ATG10: variants seen among roughly 807,000 people sequenced by gnomAD.
ATG10 encodes autophagy related 10.
In ATG10, 30 loss-of-function variants were observed where a neutral mutation model predicts 32.1. The ratio of observed to expected loss-of-function variants is 0.94; its 90% CI spans 0.70 to 1.27. The LOEUF (loss-of-function observed/expected upper bound fraction) is 1.27. Ranked by LOEUF, ATG10 falls within the 50% of genes most tolerant of loss-of-function variation. The probability of loss-of-function intolerance (pLI) is 0.00; values close to 1 mark genes in which losing one functional copy is unlikely to be tolerated. For missense variants in ATG10, 233 were observed against 262.3 expected, an observed-to-expected ratio of 0.89 and a Z score of 0.77; for synonymous variants, 87 against 91.5, an observed-to-expected ratio of 0.95 and a Z score of 0.28.
At chr5:82,172,514 T>C (rs188117990) in intron 4 of ATG10, among the ~76,000 whole-genome samples, 15 of 152,302 alleles carry the variant, frequency 9.8e-5, no homozygotes, top group African/African-American at 3.6e-4. Context: ...AGCCAAATTA[T>C]ATATCTAGAT....
intron 3 of ATG10, among the ~76,000 whole-genome samples, chr5:82,103,776 G>T (rs1765357262): frequency 6.6e-6 from 1 of 152,102 alleles, no homozygotes; most frequent in Non-Finnish European, 1.5e-5. Context: ...CTTGGTGGGT[G>T]TTCACAAAGT....
At chr5:82,140,110 T>C in intron 3 of ATG10, among the ~76,000 whole-genome samples, 1 of 109,694 alleles carries the variant, frequency 9.1e-6, no homozygotes, top group Admixed American at 8.8e-5. Context: ...GTCTGGGAGG[T>C]GAGGGGCGCC....
At chr5:82,151,794 A>G (rs1767606721) in intron 3 of ATG10, among the ~76,000 whole-genome samples, 1 of 152,184 alleles carries the variant, frequency 6.6e-6, no homozygotes, top group South Asian at 2.1e-4. Flanking sequence ...GACAGTATGA[A>G]GCAATCATTG....
chr5:82,003,193 A>T (rs1761896747), intron 2 of ATG10, among the ~76,000 whole-genome samples: 1 of 152,228 alleles, frequency 6.6e-6, no homozygotes, highest in South Asian at 2.1e-4. Context: ...ACAATGTAAG[A>T]TAAAAGTGAT....
At chr5:82,096,001 C>A (rs1474260320) in intron 3 of ATG10, among the ~76,000 whole-genome samples, 1 of 152,184 alleles carries the variant, frequency 6.6e-6, no homozygotes, top group East Asian at 1.9e-4. Context: ...GGCAGTCTAT[C>A]AGCTTCTTTC....
At chr5:82,041,986 T>C (rs1308907360) in intron 2 of ATG10, among the ~76,000 whole-genome samples, 1 of 152,212 alleles carries the variant, frequency 6.6e-6, no homozygotes, top group Non-Finnish European at 1.5e-5. Context: ...TTCTGCTCAT[T>C]ATTCTCATGC....
intron 3 of ATG10, among the ~76,000 whole-genome samples, chr5:82,156,840 T>C (rs572352469): frequency 1.3e-5 from 2 of 152,338 alleles, no homozygotes; most frequent in East Asian, 3.9e-4. Context: ...CGATTAAGCA[T>C]TATTACTATT....
rs192173112 is a variant in ATG10, at chr5:82,227,473, C to G, written c.454-25089C>G. ...TACTGCAACCTCCACCTCCCAGATT[C>G]AAGCGATTCTCCTGCCTCAGCCTCC... is the stretch of plus-strand genomic sequence containing the variant. On this transcript the variant is annotated intron_variant, in intron 5 of 7. Coordinates refer to ENST00000282185, the MANE Select transcript of ATG10 (RefSeq NM_031482.5). Among the ~76,000 whole-genome samples, 240 of 152,200 alleles carry G rather than the reference C, an allele frequency of 1.6e-3. 2 individuals are homozygous for G. The highest frequency in any genetic ancestry group is 5.4e-3 in the African/African-American group (224 of 41,522).
At chr5:82,182,307 G>A (rs1474183562) in intron 5 of ATG10, among the ~76,000 whole-genome samples, 1 of 152,002 alleles carries the variant, frequency 6.6e-6, no homozygotes, top group Non-Finnish European at 1.5e-5. Flanking sequence ...GAAGAGTTTG[G>A]TTTTTTCCAT....
intron 2 of ATG10, chr5:82,010,202 AT>A: frequency 1.2e-6 from 1 of 855,730 alleles, no homozygotes; most frequent in Non-Finnish European, 1.9e-6. Context: ...CAAAATTCTG[AT>A]TATGAATATC....
At chr5:82,222,076 A>C (rs1745949881) in intron 5 of ATG10, among the ~76,000 whole-genome samples, 1 of 152,238 alleles carries the variant, frequency 6.6e-6, no homozygotes, top group Admixed American at 6.5e-5. Context: ...GATGGTTTGA[A>C]GAGTACTCTC....
intron 5 of ATG10, among the ~76,000 whole-genome samples, chr5:82,211,386 T>A (rs142057186): frequency 1.3e-4 from 20 of 152,266 alleles, no homozygotes; most frequent in South Asian, 2.1e-4. Context: ...CCTCCACTCA[T>A]CTAGCCCTAC....
intron 3 of ATG10, among the ~76,000 whole-genome samples, chr5:82,063,947 A>G (rs1240493880): frequency 6.9e-6 from 1 of 145,060 alleles, no homozygotes; most frequent in Non-Finnish European, 1.6e-5. Flanking sequence ...TTACCTGTGT[A>G]ACAAACCTGA....
chr5:82,022,736 G>A (rs1396179982), intron 2 of ATG10, among the ~76,000 whole-genome samples: 1 of 150,608 alleles, frequency 6.6e-6, no homozygotes, highest in East Asian at 1.9e-4. Context: ...ATCTCTGTGA[G>A]TTAGCCATTA....
chr5:82,093,683 G>A (rs1384477242), intron 3 of ATG10, among the ~76,000 whole-genome samples: 1 of 152,132 alleles, frequency 6.6e-6, no homozygotes, highest in Non-Finnish European at 1.5e-5. Flanking sequence ...TTTTTTATCA[G>A]ATGCCAGACA....
At chr5:82,164,327 C>G in intron 3 of ATG10, 72 bp from the exon 4 acceptor site, 20 of 1,376,566 alleles carry the variant, frequency 1.5e-5, no homozygotes, top group Admixed American at 1.9e-5. Flanking sequence ...AGAAAATCTC[C>G]TCTTTTCCTC....
At chr5:81,987,963 A>G (rs982141215) in intron 2 of ATG10, among the ~76,000 whole-genome samples, 1 of 152,208 alleles carries the variant, frequency 6.6e-6, no homozygotes, top group Non-Finnish European at 1.5e-5. Flanking sequence ...ATCTGAATGT[A>G]AACAGATGTT....
At chr5:82,233,962 A>G (rs549831750) in intron 5 of ATG10, among the ~76,000 whole-genome samples, 1 of 152,326 alleles carries the variant, frequency 6.6e-6, no homozygotes, top group East Asian at 1.9e-4. Flanking sequence ...ACACCATTTT[A>G]ACAAAGGGTG....
At chr5:82,233,139 T>C (rs1224072925) in intron 5 of ATG10, among the ~76,000 whole-genome samples, 1 of 152,360 alleles carries the variant, frequency 6.6e-6, no homozygotes, top group South Asian at 2.1e-4. Flanking sequence ...TTGGTAGTAT[T>C]TTTCAGGTAT....
Sources: allele counts gnomAD v4.1 joint callset (sites outside exome capture counted in the v4.1 genomes callset), GRCh38; gene constraint gnomAD v4.1.1; transcripts MANE v1.5; gene names NCBI Gene and HGNC (gene_info 2026-07-23, HGNC 2026-07-21).